The following MROH1 variants were observed in gnomAD, a reference collection of about 807,000 sequenced individuals.
The protein encoded by MROH1 is maestro heat-like repeat-containing protein family member 1.
Under a neutral mutation model 116.5 loss-of-function variants are expected in MROH1, and 117 were observed. The ratio of observed to expected loss-of-function variants is 1.00; its 90% CI spans 0.86 to 1.17. The LOEUF is 1.17. Among genes scored for constraint, MROH1 ranks in the 50% most tolerant of loss-of-function variants. The pLI is 0.00. For synonymous variants in MROH1, 921 were observed against 583.9 expected, an observed-to-expected ratio of 1.58 and a Z score of -8.32; for missense variants, 1,873 against 1,338.5, an observed-to-expected ratio of 1.40 and a Z score of -6.23.
chr8:144,149,527 G>A (rs980930979), intron 1 of MROH1, among the ~76,000 whole-genome samples: 1 of 152,096 alleles, frequency 6.6e-6, no homozygotes, highest in Non-Finnish European at 1.5e-5. Context: ...AACAGGTGCT[G>A]GTGCTTAGTT....
At chr8:144,243,321 G>A (rs1248906197) in intron 24 of MROH1, among the ~76,000 whole-genome samples, 173 bp from the exon 25 acceptor site, 1 of 152,264 alleles carries the variant, frequency 6.6e-6, no homozygotes, top group Non-Finnish European at 1.5e-5. Flanking sequence ...GGAACCCCTG[G>A]GTGGCCCCCC....
At position 144,220,634 on chromosome 8, in the gene MROH1, G is replaced by A. The variant is rs1215220452; in HGVS notation, c.1176G>A (p.Leu392=). The stretch of plus-strand genomic sequence containing the variant: ...TGGAAGATAAAAAGCCCTTTATCCT[G>A]TCTTCCATGAGGCTTCCTCTCCTGG... The part of the protein sequence containing the change: ...AQMEDKKPFI[L]SSMRLPLLDT... Residue 392 remains leucine (L), a synonymous_variant, in exon 13 of 44, where the codon CTG becomes CTA. Transcript: ENST00000326134. The A allele has an allele frequency of 1.3e-6, 2 of 1,579,786 alleles. No homozygotes were observed. Among genetic ancestry groups the A allele is most frequent in the African/African-American group, 1.3e-5 (1 of 74,086 alleles).
At chr8:144,231,795 C>T (rs1554822975) in intron 14 of MROH1, among the ~76,000 whole-genome samples, 1 of 152,198 alleles carries the variant, frequency 6.6e-6, no homozygotes, top group Non-Finnish European at 1.5e-5. Flanking sequence ...CACAGGGCTG[C>T]CCCAGACCTT....
intron 7 of MROH1, 118 bp from the exon 8 acceptor site, chr8:144,190,666 C>T (rs905827599): frequency 6.4e-6 from 8 of 1,250,898 alleles, no homozygotes; most frequent in African/African-American, 1.5e-5. Context: ...GGCTGGTGTT[C>T]TAGGGAGGGC....
chr8:144,165,495 C>T (rs1181370111), intron 3 of MROH1, among the ~76,000 whole-genome samples: 1 of 152,156 alleles, frequency 6.6e-6, no homozygotes, highest in Admixed American at 6.6e-5. Flanking sequence ...GTCTTGAACG[C>T]TTGCCTTCAA....
chr8:144,180,152 T>C lies in MROH1; in HGVS notation c.301-26T>C, dbSNP rs768065597. The C allele has an allele frequency of 8.6e-5, 139 of 1,612,776 alleles. 1 individual carries two copies. In the South Asian group the frequency reaches 1.3e-3, roughly 15 times the overall value. ...AGAATGTCTTGGTCTTGCCTTTTGG[T>C]CTACCTGCCGGTGTTTTGGGTTCAG... is the stretch of plus-strand genomic sequence containing the variant. On this transcript the variant is annotated intron_variant, in intron 5 of 43. Transcript: ENST00000326134. The surrounding 1 kb of genome is among the most constrained non-coding windows in gnomAD (Gnocchi z 7.4).
chr8:144,175,309 C>G (rs553542806), intron 4 of MROH1, among the ~76,000 whole-genome samples: 1 of 148,310 alleles, frequency 6.7e-6, no homozygotes, highest in East Asian at 1.9e-4. Flanking sequence ...CGGGTCCAGT[C>G]GGATGGGTAT....
intron 12 of MROH1, among the ~76,000 whole-genome samples, chr8:144,212,296 G>GC (rs1564488739): frequency 1.3e-5 from 2 of 152,154 alleles, no homozygotes; most frequent in Non-Finnish European, 2.9e-5. Context: ...TGTTGCCCAG[G>GC]CTGGTCCTGG....
intron 2 of MROH1, among the ~76,000 whole-genome samples, chr8:144,161,937 C>T (rs1012238281): frequency 1.4e-4 from 21 of 152,330 alleles, no homozygotes; most frequent in Admixed American, 2.6e-4. Flanking sequence ...TGATGCTCCA[C>T]GTCAGGCGTG....
At chr8:144,211,369 C>T (rs976616133) in intron 12 of MROH1, among the ~76,000 whole-genome samples, 1 of 152,120 alleles carries the variant, frequency 6.6e-6, no homozygotes, top group East Asian at 1.9e-4. Flanking sequence ...AAGTGGAACA[C>T]CTTGACAAAG....
rs1323040660 is a variant in MROH1 at position 144,200,476 on chromosome 8, A to T, written c.1076A>T (p.Asp359Val). ...RLLAFLLPRL[D>V]TSNERTRVGT... ...CTGGCCTTCCTGCTGCCCAGGCTGG[A>T]CACCAGCAATGAGAGGACCCGCGTG... Residue 359 changes from aspartate to valine, a missense_variant, in exon 12 of 44, where the codon GAC becomes GTC. Physicochemically the swap from Asp to Val is radical, Grantham distance 152 (BLOSUM62 -3). Coordinates refer to ENST00000326134, the MANE Select transcript of MROH1 (RefSeq NM_032450.3). 1 of 1,551,964 alleles carries T rather than the reference A, an allele frequency of 6.4e-7. No individual in the cohort carries two copies. The highest frequency in any genetic ancestry group is 2.4e-5 in the East Asian group (1 of 41,040).
intron 32 of MROH1, among the ~76,000 whole-genome samples, chr8:144,249,779 C>T (rs986541636): frequency 2.0e-5 from 3 of 152,350 alleles, no homozygotes; most frequent in South Asian, 2.1e-4. Flanking sequence ...TCTCCCTTCC[C>T]GCCACGTCCC....
intron 13 of MROH1, among the ~76,000 whole-genome samples, chr8:144,220,979 C>T (rs888344483): frequency 4.6e-5 from 7 of 152,188 alleles, no homozygotes; most frequent in African/African-American, 1.7e-4. Context: ...CTGCTCTGCT[C>T]GCGGTGATTG....
intron 12 of MROH1, among the ~76,000 whole-genome samples, chr8:144,206,446 T>C (rs1361364931): frequency 3.4e-5 from 5 of 149,160 alleles, no homozygotes; most frequent in Non-Finnish European, 7.4e-5. Context: ...TTTTGAGACA[T>C]AGTTTCGCTC....
At chr8:144,197,736 A>G (rs1830258652) in intron 10 of MROH1, among the ~76,000 whole-genome samples, 1 of 143,594 alleles carries the variant, frequency 7.0e-6, no homozygotes, top group African/African-American at 2.5e-5. Flanking sequence ...CACCCAGCCA[A>G]CTGCAGCATC....
chr8:144,197,417 C>CTTTTTTTTTTTTTTTTTTTT lies in MROH1; in HGVS notation c.949-1688_949-1669dup, dbSNP rs79749774. Among the ~76,000 whole-genome samples, 4 of 42,458 alleles carry CTTTTTTTTTTTTTTTTTTTT rather than the reference C, an allele frequency of 9.4e-5. 2 individuals carry two copies. Among genetic ancestry groups the CTTTTTTTTTTTTTTTTTTTT allele is most frequent in the African/African-American group, 5.2e-4 (4 of 7,650 alleles). 27.9% of individuals were successfully genotyped at this position (42,458 alleles called of 152,430 possible). A position where few individuals can be genotyped will look rare whatever the true frequency, so the allele number is the denominator to read the frequency against. ...AAGAGTGGGCAGGAAGCTGCAGCAT[C>CTTTTTTTTTTTTTTTTTTTT]TTTTTTTTTTTTTTTTTTTTTTTTT... On this transcript the variant is annotated intron_variant, in intron 10 of 43. Coordinates refer to ENST00000326134, the MANE Select transcript of MROH1 (RefSeq NM_032450.3).
At chr8:144,177,117 TGAA>T (rs1231595484) in intron 4 of MROH1, among the ~76,000 whole-genome samples, 1 of 152,226 alleles carries the variant, frequency 6.6e-6, no homozygotes, top group Non-Finnish European at 1.5e-5. Context: ...TTGGCTATTT[TGAA>T]GAACAAAAAT....
At chr8:144,188,096 G>T (rs1238825840) in intron 7 of MROH1, among the ~76,000 whole-genome samples, 4 of 152,198 alleles carry the variant, frequency 2.6e-5, no homozygotes, top group African/African-American at 7.2e-5. Flanking sequence ...ATTCTTACAG[G>T]CTGGGTTTAA....
rs573524223 is a variant in MROH1 at position 144,188,449 on chromosome 8, A to ATTTT, written c.563-2300_563-2297dup. Among the ~76,000 whole-genome samples, 86 of 45,836 alleles carry ATTTT rather than the reference A, an allele frequency of 1.9e-3. 9 individuals are homozygous for ATTTT. Among genetic ancestry groups the ATTTT allele is most frequent in the African/African-American group, 7.1e-3 (82 of 11,546 alleles). 30.1% of individuals were successfully genotyped at this position (45,836 alleles called of 152,430 possible). A position where few individuals can be genotyped will look rare whatever the true frequency, so the allele number is the denominator to read the frequency against. ...CTGGGTCAGGTGCTACCACTGCCCA[A>ATTTT]TTTTTTTTTTTTTTTTTTTTTTTTT... On this transcript the variant is annotated intron_variant, in intron 7 of 43. Transcript: ENST00000326134.
Sources: allele counts gnomAD v4.1 joint callset (sites outside exome capture counted in the v4.1 genomes callset), GRCh38; gene constraint gnomAD v4.1.1; non-coding constraint Gnocchi (gnomAD v3.1); transcripts MANE v1.5; gene names NCBI Gene and HGNC (gene_info 2026-07-23, HGNC 2026-07-21).